The following TJP1 variants were observed in gnomAD, a reference collection of about 807,000 sequenced individuals.
The protein encoded by TJP1 is tight junction protein ZO-1.
TJP1 carries 43 observed loss-of-function variants against 194.2 expected under a neutral mutation model. The observed-to-expected ratio is 0.22, with a 90% confidence interval of 0.17 to 0.29. The LOEUF (loss-of-function observed/expected upper bound fraction) is 0.29. Among genes scored for constraint, TJP1 ranks in the 10% least tolerant of loss-of-function variants. TJP1 has a pLI of 1.00. For missense variants in TJP1, 1,971 were observed against 2,185.7 expected (o/e 0.90, Z 1.96); for synonymous variants, 801 against 779.0 (o/e 1.03, Z -0.47).
intron 6 of TJP1, 113 bp from the exon 7 acceptor site, chr15:29,761,882 TTC>T: frequency 1.0e-6 from 1 of 968,874 alleles, no homozygotes; most frequent in Non-Finnish European, 1.4e-6. Context: ...AACCAAAATA[TTC>T]TCTCTACACT....
chr15:29,750,589 G>A (rs568190583), intron 8 of TJP1, among the ~76,000 whole-genome samples: 31 of 152,132 alleles, frequency 2.0e-4, no homozygotes, highest in Non-Finnish European at 3.2e-4. Context: ...ATGCCTGGTC[G>A]CCATTTCATA....
chr15:29,814,523 C>T (rs575278137), intron 1 of TJP1, among the ~76,000 whole-genome samples: 1 of 152,176 alleles, frequency 6.6e-6, no homozygotes, highest in Non-Finnish European at 1.5e-5. Flanking sequence ...TATTCAGTTA[C>T]CAGAAACTGT....
chr15:29,960,614 C>A (rs2049257), intron 1 of TJP1, among the ~76,000 whole-genome samples: 29,628 of 141,312 alleles, frequency 0.21, 3,351 homozygotes, highest in East Asian at 0.4. Flanking sequence ...CCAGTCTGGG[C>A]AATGGAGTGA....
chr15:29,752,251 C>T (rs1437537307), intron 8 of TJP1, among the ~76,000 whole-genome samples: 1 of 152,082 alleles, frequency 6.6e-6, no homozygotes, highest in Non-Finnish European at 1.5e-5. Flanking sequence ...TATAGGCACA[C>T]GCCACCACGC....
At chr15:29,803,967 G>C (rs2048954022) in intron 1 of TJP1, among the ~76,000 whole-genome samples, 1 of 151,498 alleles carries the variant, frequency 6.6e-6, no homozygotes, top group Admixed American at 6.6e-5. Context: ...CTCTTGACCA[G>C]CCACTAAACC....
chr15:29,820,966 G>A (rs1487618634), intron 1 of TJP1, among the ~76,000 whole-genome samples: 1 of 152,116 alleles, frequency 6.6e-6, no homozygotes, highest in Admixed American at 6.6e-5. Context: ...AGATGTTACG[G>A]GTAAGCATTT....
At chr15:29,917,934 G>C (rs992903094) in intron 2 of TJP1, among the ~76,000 whole-genome samples, 2 of 151,968 alleles carry the variant, frequency 1.3e-5, no homozygotes. Context: ...TCCATCTCTG[G>C]GACTTTTTCA....
At chr15:29,743,999 T>C (rs1456064815) in intron 8 of TJP1, among the ~76,000 whole-genome samples, 2 of 151,724 alleles carry the variant, frequency 1.3e-5, no homozygotes, top group South Asian at 2.1e-4. Flanking sequence ...GCCAGTAAGG[T>C]GAAACCCTGT....
intron 2 of TJP1, among the ~76,000 whole-genome samples, chr15:29,830,139 A>G (rs933855776): frequency 1.3e-5 from 2 of 152,016 alleles, no homozygotes; most frequent in African/African-American, 4.8e-5. Flanking sequence ...CAATGACACT[A>G]GCATATTCTA....
intron 2 of TJP1, among the ~76,000 whole-genome samples, chr15:29,870,884 G>A (rs1205292095): frequency 5.3e-5 from 8 of 152,204 alleles, no homozygotes; most frequent in Non-Finnish European, 1.2e-4. Context: ...CATTAATAAA[G>A]CTAACAAGTT....
intron 2 of TJP1, among the ~76,000 whole-genome samples, chr15:29,830,304 G>T (rs995344284): frequency 6.6e-6 from 1 of 150,392 alleles, no homozygotes; most frequent in Admixed American, 6.6e-5. Context: ...AATTACACAT[G>T]TCAGAATAAT....
rs554894663 is a variant in TJP1 at position 29,830,029 on chromosome 15, T to A, written c.307-29327A>T. Reference sequence around the variant, plus strand: ...ATTAAAAAAAAAATACAATGAAATTTAAAAAAAAAGCCATCTCTAAAAGCT... The same window carrying A: ...ATTAAAAAAAAAATACAATGAAATTAAAAAAAAAAGCCATCTCTAAAAGCT... On this transcript the variant is annotated intron_variant, in intron 2 of 28. Transcript: ENST00000356107. Among the ~76,000 whole-genome samples the A allele has an allele frequency of 3.8e-4, 57 of 149,926 alleles. 1 individual carries two copies. The South Asian group carries it at 4.9e-3, about 13-fold the overall frequency.
At chr15:29,895,272 T>C (rs1051958546) in intron 2 of TJP1, among the ~76,000 whole-genome samples, 2 of 152,208 alleles carry the variant, frequency 1.3e-5, no homozygotes, top group Non-Finnish European at 1.5e-5. Context: ...TGATTGAAAA[T>C]TCTGCTTTTA....
At chr15:29,878,510 C>A (rs1410214929) in intron 2 of TJP1, among the ~76,000 whole-genome samples, 2 of 151,976 alleles carry the variant, frequency 1.3e-5, no homozygotes, top group Non-Finnish European at 2.9e-5. Context: ...TATGTCAGAT[C>A]ATTCTGATAT....
intron 7 of TJP1, 104 bp downstream of exon 7, chr15:29,761,497 T>C: frequency 7.0e-7 from 1 of 1,423,074 alleles, no homozygotes; most frequent in Non-Finnish European, 9.5e-7. Context: ...TTGAAGGTGT[T>C]TGGCTGGTAG....
chr15:29,824,445 A>AATC (rs34399157), upstream of TJP1, among the ~76,000 whole-genome samples: 108,230 of 145,768 alleles, frequency 0.74, 40,642 homozygotes, highest in Admixed American at 0.81. Flanking sequence ...CTCCGTCTCA[A>AATC]ATCATCATCA....
At chr15:29,918,743 A>G (rs1440958863) in intron 2 of TJP1, among the ~76,000 whole-genome samples, 50 of 152,182 alleles carry the variant, frequency 3.3e-4, no homozygotes, top group Non-Finnish European at 2.9e-5. Context: ...TATCTCAAAA[A>G]AAAAAAGTAT....
chr15:29,855,829 C>T (rs1284893961), intron 2 of TJP1, among the ~76,000 whole-genome samples: 1 of 151,598 alleles, frequency 6.6e-6, no homozygotes. Flanking sequence ...GCACTCCAGC[C>T]TGGGTGACAA....
chr15:29,795,589 C>T (rs972894250), intron 2 of TJP1, among the ~76,000 whole-genome samples: 1 of 151,902 alleles, frequency 6.6e-6, no homozygotes, highest in African/African-American at 2.4e-5. Flanking sequence ...TGAATTCTAA[C>T]AAATATTTAA....
Sources: allele counts gnomAD v4.1 joint callset (sites outside exome capture counted in the v4.1 genomes callset), GRCh38; gene constraint gnomAD v4.1.1; transcripts MANE v1.5; gene names NCBI Gene and HGNC (gene_info 2026-07-23, HGNC 2026-07-21).